OR1S1: variants seen among roughly 807,000 people sequenced by gnomAD.
OR1S1 encodes olfactory receptor family 1 subfamily S member 1.
For synonymous variants in OR1S1, 156 were observed against 143.9 expected (o/e 1.08, Z -0.60); for missense variants, 411 against 367.5 (o/e 1.12, Z -0.97).
exon 2 of OR1S1, chr11:58,215,884 C>T: frequency 2.4e-6 from 2 of 844,360 alleles, no homozygotes; most frequent in Non-Finnish European, 3.7e-6. Context: ...TAGCTCTTGT[C>T]TTGGAAACAA....
chr11:58,215,081 C>A, exon 2 of OR1S1: 12 of 1,614,146 alleles, frequency 7.4e-6, no homozygotes, highest in Non-Finnish European at 1.0e-5. Flanking sequence ...CTGCATCACA[C>A]AGATGTACTT....
exon 2 of OR1S1, chr11:58,215,841 T>G: frequency 7.6e-7 from 1 of 1,308,476 alleles, no homozygotes; most frequent in South Asian, 1.5e-5. Context: ...TGTCTCCTAT[T>G]CCAACCTCTG....
In OR1S1 at chr11:58,215,264, C is replaced by G. The variant is rs768932857; in HGVS notation, c.481C>G (p.Leu161Val). The change falls in exon 2 of 2, where the codon CTT (leucine) becomes GTT (valine). Residue 161 changes from leucine to valine, a missense_variant. Transcript: ENST00000641544. ...TAATATTATTGCTCTGACACACACC[C>G]TTCTGCTCATTCAATTGCTCTTCTG... 3 of 1,613,790 alleles carry G rather than the reference C, an allele frequency of 1.9e-6. No individual in the cohort carries two copies. In the Admixed American group the frequency reaches 5.0e-5, roughly 27 times the overall value.
At chr11:58,215,240 A>C (rs1852919181) in exon 2 of OR1S1, 11 of 1,613,978 alleles carry the variant, frequency 6.8e-6, no homozygotes, top group Non-Finnish European at 9.3e-6. Flanking sequence ...GTTCCTCAGT[A>C]ATATTATTGC....
chr11:58,215,767 T>C, exon 2 of OR1S1: 2 of 1,578,386 alleles, frequency 1.3e-6, no homozygotes, highest in Non-Finnish European at 1.7e-6. Context: ...ATCAGATAAA[T>C]GATTCAGCCC....
At chr11:58,215,668 G>T in exon 2 of OR1S1, 1 of 1,613,946 alleles carries the variant, frequency 6.2e-7, no homozygotes, top group Non-Finnish European at 8.5e-7. Flanking sequence ...TGAGGAATAA[G>T]GATATGAAAG....
intron 1 of OR1S1, among the ~76,000 whole-genome samples, chr11:58,213,160 T>A (rs562077122): frequency 7.7e-4 from 117 of 152,302 alleles, no homozygotes; most frequent in African/African-American, 2.5e-3. Flanking sequence ...GGCCTCTGAA[T>A]GGAAAGAAAA....
Position 58,214,723 on chromosome 11 carries a change from T to A in OR1S1, c.-55-6T>A. ...CAATGGCTGCAGCCAAATGATACCATGTTAGGTTTTCTTGTAGGAATATGA... is the reference window on the plus strand; with the variant it reads ...CAATGGCTGCAGCCAAATGATACCAAGTTAGGTTTTCTTGTAGGAATATGA... On this transcript the variant is annotated splice_polypyrimidine_tract_variant and splice_region_variant and intron_variant, in intron 1 of 1. Coordinates refer to ENST00000641544, the Ensembl canonical transcript of OR1S1. 1 of 1,606,806 alleles carries A rather than the reference T, an allele frequency of 6.2e-7. No individual in the cohort carries two copies.
chr11:58,214,342 C>T (rs1397649611), intron 1 of OR1S1, among the ~76,000 whole-genome samples: 1 of 152,276 alleles, frequency 6.6e-6, no homozygotes, highest in East Asian at 1.9e-4. Flanking sequence ...TCCCCAAACT[C>T]TTCACTTTCA....
At chr11:58,213,808 A>C (rs751821134) in intron 1 of OR1S1, among the ~76,000 whole-genome samples, 2 of 152,122 alleles carry the variant, frequency 1.3e-5, no homozygotes, top group Non-Finnish European at 2.9e-5. Flanking sequence ...TTCCCTGACA[A>C]GGGCAATGAA....
At position 58,215,380 on chromosome 11, in the gene OR1S1, G is replaced by T. The variant is rs1194299482; in HGVS notation, c.597G>T (p.Leu199Phe). Residue 199 changes from leucine (L) to phenylalanine (F), a missense_variant, in exon 2 of 2, where the codon TTG (leucine) becomes TTT (phenylalanine). Leu to Phe is a conservative substitution (Grantham distance 22). Transcript: ENST00000641544. ...ATACATTGATCAATGAGCTTGTGTTGTTTATTGTGGGTTTATCAGTTATCA... is the reference window on the plus strand; with the variant it reads ...ATACATTGATCAATGAGCTTGTGTTTTTTATTGTGGGTTTATCAGTTATCA... The T allele has an allele frequency of 4.3e-6, 7 of 1,613,856 alleles. No homozygotes were observed. In the South Asian group the frequency reaches 6.6e-5, roughly 15 times the overall value.
chr11:58,214,354 G>T (rs1480458487), intron 1 of OR1S1, among the ~76,000 whole-genome samples: 1 of 152,126 alleles, frequency 6.6e-6, no homozygotes, highest in Non-Finnish European at 1.5e-5. Context: ...TCACTTTCAC[G>T]AGACTTGAAA....
chr11:58,214,061 T>C (rs865931853), intron 1 of OR1S1, among the ~76,000 whole-genome samples: 6 of 152,286 alleles, frequency 3.9e-5, no homozygotes, highest in Middle Eastern at 3.4e-3. Context: ...ATCCCCACCA[T>C]CTTTTCTCTT....
At position 58,215,462 on chromosome 11, in the gene OR1S1, A is replaced by C. The variant is rs530710620; in HGVS notation, c.679A>C (p.Arg227=). 3.1e-6 allele frequency: 5 copies of C among 1,613,974 alleles called. No individual in the cohort carries two copies. The South Asian group carries it at 5.5e-5, about 18-fold the overall frequency. Residue 227 remains arginine (R), a synonymous_variant, in exon 2 of 2, where the codon AGA becomes CGA. Coordinates refer to ENST00000641544, the Ensembl canonical transcript of OR1S1. The stretch of plus-strand genomic sequence containing the variant: ...TGTCTGCATCATCAGAGCTGTCCTG[A>C]GAGTATCTTCCACACAGGGAAAGTG...
Position 58,214,601 on chromosome 11 carries a change from A to G in OR1S1, c.-55-128A>G, listed in dbSNP as rs142032444. 4.0e-4 allele frequency: 276 copies of G among 685,346 alleles called. No homozygotes were observed. The African/African-American group carries it at 4.3e-3, about 11-fold the overall frequency. 42.5% of individuals were successfully genotyped at this position (685,346 alleles called of 1,614,324 possible). A position where few individuals can be genotyped will look rare whatever the true frequency, so the allele number is the denominator to read the frequency against. ...TTTCGGCCATGTCCTGTCTTTTTCT[A>G]AGGCATTTTCCAAATCTCTGCACTG... On this transcript the variant is annotated intron_variant, in intron 1 of 1. Coordinates refer to ENST00000641544, the Ensembl canonical transcript of OR1S1.
At chr11:58,214,915 C>A (rs1852909042) in exon 2 of OR1S1, 1 of 1,614,100 alleles carries the variant, frequency 6.2e-7, no homozygotes, top group East Asian at 2.2e-5. Flanking sequence ...GGAACGGGCT[C>A]ATCATTGTGG....
At chr11:58,214,691 C>T in intron 1 of OR1S1, 38 bp from the exon 2 acceptor site, 1 of 1,517,122 alleles carries the variant, frequency 6.6e-7, no homozygotes, top group Non-Finnish European at 9.0e-7. Flanking sequence ...ATTCAAGTGA[C>T]TTACTGCAAT....
exon 2 of OR1S1, chr11:58,215,768 G>A (rs1852930898): frequency 6.3e-7 from 1 of 1,576,308 alleles, no homozygotes; most frequent in Non-Finnish European, 8.6e-7. Context: ...TCAGATAAAT[G>A]ATTCAGCCCA....
exon 2 of OR1S1, chr11:58,214,886 T>A: frequency 6.2e-7 from 1 of 1,614,150 alleles, no homozygotes; most frequent in African/African-American, 1.3e-5. Flanking sequence ...CTTGGGTATG[T>A]ACCTGGTCAC....
Sources: gnomAD v4.1 joint callset for allele counts (sites outside exome capture counted in the v4.1 genomes callset) on GRCh38, gnomAD v4.1.1 for gene constraint, MANE v1.5 for transcripts, NCBI Gene and HGNC (gene_info 2026-07-23, HGNC 2026-07-21) for gene names.